The following ATP10B variants were observed in gnomAD, a reference collection of about 807,000 sequenced individuals.
The protein encoded by ATP10B is ATPase phospholipid transporting 10B (putative).
Under a neutral mutation model 141.2 loss-of-function variants are expected in ATP10B, and 122 were observed. The observed-to-expected ratio is 0.86, with a 90% CI of 0.75 to 1.00. ATP10B has a LOEUF of 1.00. Among genes scored for constraint, ATP10B ranks in the 50% least tolerant of loss-of-function variants. The probability of loss-of-function intolerance (pLI) is 0.00; values close to 1 mark genes in which losing one functional copy is unlikely to be tolerated. For missense variants in ATP10B, 1,876 were observed against 1,825.3 expected, an observed-to-expected ratio of 1.03 and a Z score of -0.51; for synonymous variants, 685 against 692.0, an observed-to-expected ratio of 0.99 and a Z score of 0.16.
rs4921332 is a variant in ATP10B at position 160,774,346 on chromosome 5, G to A, written c.-331+11213C>T. Among the ~76,000 whole-genome samples, 17 of 152,072 alleles carry A rather than the reference G, an allele frequency of 1.1e-4. 1 individual carries two copies. The South Asian group carries it at 3.5e-3, about 32-fold the overall frequency. ...GAAGCAGCTGAAATCTAAGTGTGCCGAAGAACCAGGGATATCCAGGGTTCT... is the reference window on the plus strand; with the variant it reads ...GAAGCAGCTGAAATCTAAGTGTGCCAAAGAACCAGGGATATCCAGGGTTCT... On this transcript the variant is annotated intron_variant, in intron 2 of 25. Transcript: ENST00000327245.
chr5:160,590,129 G>A (rs1329380408), intron 23 of ATP10B, among the ~76,000 whole-genome samples: 1 of 152,170 alleles, frequency 6.6e-6, no homozygotes, highest in Non-Finnish European at 1.5e-5. Flanking sequence ...GCTGAGACCA[G>A]AATAAGAGGA....
At chr5:160,905,052 A>T in the ATP10B span, among the ~76,000 whole-genome samples, 2 of 152,366 alleles carry the variant, frequency 1.3e-5, no homozygotes, top group Admixed American at 1.3e-4. Flanking sequence ...GCTAGCAGTT[A>T]TTGAACAGTA....
At chr5:160,820,859 C>T (rs997705528) in intron 1 of ATP10B, among the ~76,000 whole-genome samples, 2 of 151,856 alleles carry the variant, frequency 1.3e-5, no homozygotes, top group African/African-American at 2.4e-5. Context: ...TGATAAAAAC[C>T]CTAAGAAAGC....
chr5:160,565,773 C>A lies in ATP10B; in HGVS notation c.4066G>T (p.Ala1356Ser), dbSNP rs1376707975. 1 of 1,614,082 alleles carries A rather than the reference C, an allele frequency of 6.2e-7. No homozygotes were observed. Among genetic ancestry groups the A allele is most frequent in the African/African-American group, 1.3e-5 (1 of 75,032 alleles). ...GGTCGAGCCACTTCGGGGACAGGGG[C>A]AGGCCTCTGTCTGCTTCTCCAACTC... ...IQSWRSRQRP[A>S]PVPEVARPTH... Residue 1356 changes from alanine to serine, a missense_variant, in exon 26 of 26, where the codon GCC (alanine) becomes TCC (serine). Ala to Ser is a moderately conservative substitution (Grantham distance 99). Coordinates refer to ENST00000327245, the MANE Select transcript of ATP10B (RefSeq NM_025153.3).
intron 2 of ATP10B, among the ~76,000 whole-genome samples, chr5:160,750,147 T>C (rs1435202773): frequency 2.6e-5 from 4 of 152,218 alleles, no homozygotes; most frequent in Non-Finnish European, 5.9e-5. Flanking sequence ...GTACCCCATA[T>C]TGGGGTCTAC....
chr5:160,811,755 G>A (rs186195437), intron 1 of ATP10B, among the ~76,000 whole-genome samples: 68 of 152,276 alleles, frequency 4.5e-4, no homozygotes, highest in Non-Finnish European at 1.3e-4. Context: ...GACCCACCAA[G>A]GGCCTGGGGG....
intron 1 of ATP10B, among the ~76,000 whole-genome samples, chr5:160,840,894 T>A (rs1222565249): frequency 6.6e-6 from 1 of 152,168 alleles, no homozygotes; most frequent in Admixed American, 6.5e-5. Flanking sequence ...TAAAATTCAC[T>A]GAGATACTAT....
At chr5:160,779,108 C>T (rs1030991137) in intron 2 of ATP10B, among the ~76,000 whole-genome samples, 26 of 152,254 alleles carry the variant, frequency 1.7e-4, no homozygotes, top group East Asian at 1.3e-3. Flanking sequence ...CCCAACCTGG[C>T]CCTAGCAGTG....
chr5:160,607,751 A>T (rs960733694), intron 18 of ATP10B, among the ~76,000 whole-genome samples: 3 of 152,052 alleles, frequency 2.0e-5, no homozygotes, highest in African/African-American at 7.2e-5. Context: ...AAACTTATTA[A>T]TTTTTTTCTG....
chr5:160,810,056 G>T (rs1773044254), intron 1 of ATP10B, among the ~76,000 whole-genome samples: 1 of 152,144 alleles, frequency 6.6e-6, no homozygotes, highest in African/African-American at 2.4e-5. Context: ...AACCTCTACA[G>T]TATCTAATCT....
At chr5:160,784,895 G>A (rs1490576533) in intron 2 of ATP10B, among the ~76,000 whole-genome samples, 2 of 151,946 alleles carry the variant, frequency 1.3e-5, no homozygotes, top group Non-Finnish European at 2.9e-5. Flanking sequence ...TAAGATTTTA[G>A]TTTTGTTTAT....
At chr5:160,831,422 T>G (rs1052836609) in intron 1 of ATP10B, among the ~76,000 whole-genome samples, 4 of 152,080 alleles carry the variant, frequency 2.6e-5, no homozygotes, top group Non-Finnish European at 5.9e-5. Flanking sequence ...GAGACTTTCC[T>G]AAGTTAGGAT....
At chr5:160,627,369 G>C (rs1297764265) in intron 13 of ATP10B, among the ~76,000 whole-genome samples, 1 of 152,200 alleles carries the variant, frequency 6.6e-6, no homozygotes, top group Non-Finnish European at 1.5e-5. Context: ...TGTTCTATTA[G>C]ACTTTATGTC....
chr5:160,812,032 G>C (rs867191349), intron 1 of ATP10B, among the ~76,000 whole-genome samples: 155 of 131,108 alleles, frequency 1.2e-3, no homozygotes, highest in South Asian at 3.4e-3. Flanking sequence ...GAGAGAGAGA[G>C]AGAGAGAGAG....
intron 22 of ATP10B, among the ~76,000 whole-genome samples, chr5:160,591,588 G>A (rs557315991): frequency 9.2e-5 from 14 of 152,060 alleles, no homozygotes; most frequent in African/African-American, 1.7e-4. Flanking sequence ...GATCTCAATC[G>A]TAGCTCGAAT....
intron 1 of ATP10B, among the ~76,000 whole-genome samples, chr5:160,804,567 G>A (rs1041667573): frequency 6.6e-6 from 1 of 152,154 alleles, no homozygotes; most frequent in African/African-American, 2.4e-5. Context: ...TCTAACCCAG[G>A]TTCATATAGA....
chr5:160,839,175 C>T (rs1775665789), intron 1 of ATP10B, among the ~76,000 whole-genome samples: 1 of 152,064 alleles, frequency 6.6e-6, no homozygotes, highest in Non-Finnish European at 1.5e-5. Context: ...CTGACTAATA[C>T]AACCTGAATG....
rs769274868 is a variant in ATP10B at position 160,753,322 on chromosome 5, G to A, written c.-331+32237C>T. Among the ~76,000 whole-genome samples, 26 of 151,772 alleles carry A rather than the reference G, an allele frequency of 1.7e-4. No individual in the cohort carries two copies. In the Middle Eastern group the frequency reaches 0.014, roughly 80 times the overall value. ...CTCTAGTGTAGATGGCACTCTGCTCGTTTTGAATACCTTTTCTATAAGCAC... is the reference window on the plus strand; with the variant it reads ...CTCTAGTGTAGATGGCACTCTGCTCATTTTGAATACCTTTTCTATAAGCAC... On this transcript the variant is annotated intron_variant, in intron 2 of 25. Transcript: ENST00000327245.
rs77803141 is a variant in ATP10B at position 160,670,695 on chromosome 5, G to A, written c.471-28C>T. 9.3e-3 allele frequency: 14,827 copies of A among 1,602,052 alleles called. 874 individuals carry two copies. In the African/African-American group the frequency reaches 0.14, roughly 15 times the overall value. On this transcript the variant is annotated intron_variant, in intron 6 of 25. Coordinates refer to ENST00000327245, the MANE Select transcript of ATP10B (RefSeq NM_025153.3). ...TGGGTGAGAGAAAGACAGGGTGTGA[G>A]TGAGCTTTAAGTTTCCTCAGAACAC...
Sources: gnomAD v4.1 joint callset for allele counts (sites outside exome capture counted in the v4.1 genomes callset) on GRCh38, gnomAD v4.1.1 for gene constraint, MANE v1.5 for transcripts, NCBI Gene and HGNC (gene_info 2026-07-23, HGNC 2026-07-21) for gene names.